COL6A5: variants seen among roughly 807,000 people sequenced by gnomAD.
COL6A5 encodes the protein collagen type VI alpha 5 chain, also known as collagen alpha-5(VI) chain.
COL6A5 carries 48 observed loss-of-function variants against 65.6 expected under a neutral mutation model. The observed-to-expected ratio is 0.73, with a 90% CI of 0.58 to 0.93. COL6A5 has a LOEUF of 0.93. COL6A5 is among the 40% of genes least tolerant of loss of function. The pLI is 0.00. For missense variants in COL6A5, 914 were observed against 928.3 expected, an observed-to-expected ratio of 0.98 and a Z score of 0.20; for synonymous variants, 291 against 322.8, an observed-to-expected ratio of 0.90 and a Z score of 1.05.
At chr3:130,484,654 G>C (rs754709784) in exon 8 of COL6A5, 19 of 398,446 alleles carry the variant, frequency 4.8e-5, no homozygotes, top group African/African-American at 3.7e-4. Context: ...AGTGATAAGA[G>C]GCTAATTTTA....
intron 1 of COL6A5, among the ~76,000 whole-genome samples, chr3:130,361,030 G>A (rs1935087181): frequency 6.6e-6 from 1 of 151,840 alleles, no homozygotes; most frequent in Non-Finnish European, 1.5e-5. Context: ...GGCCTCCCCT[G>A]CTATCAATAT....
chr3:130,449,757 C>T lies in COL6A5; in HGVS notation c.1333-5698C>T, dbSNP rs546143099. Among the ~76,000 whole-genome samples the T allele has an allele frequency of 4.3e-4, 65 of 152,132 alleles. 3 individuals carry two copies. The South Asian group carries it at 0.011, about 27-fold the overall frequency. ...CGTGCCTTATCTCCTTTGTTTAAAA[C>T]GGTATTAGGTAGTAAAAGCAATTGA... On this transcript the variant is annotated intron_variant, in intron 4 of 7. Coordinates refer to ENST00000512836, the Ensembl canonical transcript of COL6A5.
intron 3 of COL6A5, among the ~76,000 whole-genome samples, chr3:130,441,652 G>T (rs2107704075): frequency 6.6e-6 from 1 of 152,214 alleles, no homozygotes; most frequent in Middle Eastern, 3.4e-3. Flanking sequence ...TCTCAATATG[G>T]CACAATTTGC....
intron 11 of COL6A5, 149 bp from the exon 12 acceptor site, chr3:130,401,613 C>T (rs79091684): frequency 0.023 from 14,873 of 637,154 alleles, 263 homozygotes; most frequent in Middle Eastern, 0.054. Context: ...GTGTTAAATT[C>T]AGAAAGCACC....
At chr3:130,387,368 G>T (rs947044814) in intron 5 of COL6A5, among the ~76,000 whole-genome samples, 1 of 152,088 alleles carries the variant, frequency 6.6e-6, no homozygotes, top group Non-Finnish European at 1.5e-5. Flanking sequence ...AGTAGTTTCT[G>T]TCACAAATAG....
chr3:130,423,886 C>T, exon 29 of COL6A5: 2 of 1,549,156 alleles, frequency 1.3e-6, no homozygotes, highest in Non-Finnish European at 1.7e-6. Context: ...ACTCCCAGGC[C>T]CTCCTGGACA....
At chr3:130,359,609 G>A (rs748373945) in intron 1 of COL6A5, among the ~76,000 whole-genome samples, 2 of 151,938 alleles carry the variant, frequency 1.3e-5, no homozygotes, top group Non-Finnish European at 2.9e-5. Context: ...TAAAGCAAAA[G>A]TGTATAGGAC....
intron 1 of COL6A5, among the ~76,000 whole-genome samples, chr3:130,352,233 C>T (rs563051179): frequency 6.6e-6 from 1 of 151,924 alleles, no homozygotes; most frequent in Non-Finnish European, 1.5e-5. Flanking sequence ...ATACAGCAAA[C>T]CACCATGGCA....
rs192722314 is a variant in COL6A5, at chr3:130,370,016, C to T, written c.-28-3595C>T. Among the ~76,000 whole-genome samples, 12 of 152,250 alleles carry T rather than the reference C, an allele frequency of 7.9e-5. No homozygotes were observed. The East Asian group carries it at 1.7e-3, about 22-fold the overall frequency. On this transcript the variant is annotated intron_variant and NMD_transcript_variant, in intron 1 of 41. Coordinates refer to the COL6A5 transcript ENST00000312481. ...TGGTAGCTATTCAAACTTGGAGTTTCGTTGGGCCCCAAGTCTAGTTTGGGG... is the reference window on the plus strand; with the variant it reads ...TGGTAGCTATTCAAACTTGGAGTTTTGTTGGGCCCCAAGTCTAGTTTGGGG...
intron 12 of COL6A5, 143 bp downstream of exon 12, chr3:130,401,997 A>G (rs1936833690): frequency 3.2e-6 from 2 of 620,068 alleles, no homozygotes; most frequent in Non-Finnish European, 5.7e-6. Flanking sequence ...TTTGGAATAA[A>G]ATCCAGGTCA....
At chr3:130,403,380 TC>T (rs1396217468) in intron 12 of COL6A5, among the ~76,000 whole-genome samples, 5 of 152,070 alleles carry the variant, frequency 3.3e-5, no homozygotes, top group African/African-American at 1.2e-4. Flanking sequence ...AAGGTCAGCC[TC>T]CCGCAAGCAT....
At chr3:130,477,770 G>A (rs1388714942) in intron 7 of COL6A5, among the ~76,000 whole-genome samples, 1 of 151,934 alleles carries the variant, frequency 6.6e-6, no homozygotes, top group Non-Finnish European at 1.5e-5. Flanking sequence ...TCTTTAATAG[G>A]GGTCCTTTCA....
chr3:130,430,623 A>T (rs1421620309), upstream of COL6A5, among the ~76,000 whole-genome samples: 2 of 152,194 alleles, frequency 1.3e-5, no homozygotes, highest in East Asian at 3.8e-4. Context: ...ATAAGACATG[A>T]GTATTGAGCT....
intron 1 of COL6A5, among the ~76,000 whole-genome samples, chr3:130,364,692 A>G (rs964554551): frequency 6.6e-6 from 1 of 152,202 alleles, no homozygotes; most frequent in Non-Finnish European, 1.5e-5. Flanking sequence ...CGATGTGGAT[A>G]CTATGATGCC....
exon 7 of COL6A5, chr3:130,391,487 GGCAGCCGCA>G (rs1424885467): frequency 6.4e-7 from 1 of 1,551,702 alleles, no homozygotes; most frequent in Admixed American, 2.0e-5. Context: ...AGAGGAACAT[GGCAGCCGCA>G]TCAAGCAAAA....
chr3:130,445,600 A>G (rs9819214), intron 4 of COL6A5, among the ~76,000 whole-genome samples: 11,825 of 152,164 alleles, frequency 0.078, 994 homozygotes, highest in East Asian at 0.31. Context: ...CAGTCCAGAC[A>G]TGGCAATTGC....
Position 130,391,256 on chromosome 3 carries a change from C to T in COL6A5, c.2494C>T (p.His832Tyr). ...TAGCATAAAAAAACAATATCAAGATCACATGATTAACCTAACTATCCATTT... is the reference window on the plus strand; with the variant it reads ...TAGCATAAAAAAACAATATCAAGATTACATGATTAACCTAACTATCCATTT... The change falls in exon 7 of 42, where the codon CAC becomes TAC. Residue 832 changes from histidine to tyrosine, a missense_variant and NMD_transcript_variant. His to Tyr is a moderately conservative substitution (Grantham distance 83). Coordinates refer to the COL6A5 transcript ENST00000312481. The T allele has an allele frequency of 1.9e-6, 3 of 1,551,612 alleles. No individual in the cohort carries two copies. The highest frequency in any genetic ancestry group is 2.6e-6 in the Non-Finnish European group (3 of 1,146,876).
chr3:130,393,743 C>A (rs534924180), intron 7 of COL6A5, among the ~76,000 whole-genome samples: 5 of 152,290 alleles, frequency 3.3e-5, no homozygotes, highest in African/African-American at 1.2e-4. Context: ...AGCTCTGAAG[C>A]AAATTTCGCC....
In COL6A5 at chr3:130,422,845, A is replaced by G. The variant is rs566365204; in HGVS notation, c.5100+63A>G. 1.5e-3 allele frequency: 1,609 copies of G among 1,043,518 alleles called. 40 individuals are homozygous for G. The South Asian group carries it at 0.025, about 16-fold the overall frequency. 64.6% of individuals were successfully genotyped at this position (1,043,518 alleles called of 1,614,324 possible). On this transcript the variant is annotated intron_variant and NMD_transcript_variant, in intron 28 of 41. Transcript: ENST00000312481. ...TTTGGCAGACTTTGGCTTTTATGTT[A>G]TAATAATAAATGTGGATTATTGATT... is the stretch of plus-strand genomic sequence containing the variant.
Sources: gnomAD v4.1 joint callset for allele counts (sites outside exome capture counted in the v4.1 genomes callset) on GRCh38, gnomAD v4.1.1 for gene constraint, MANE v1.5 for transcripts, NCBI Gene and HGNC (gene_info 2026-07-23, HGNC 2026-07-21) for gene names.